The following NIPAL2 variants were observed in gnomAD, a reference collection of about 807,000 sequenced individuals.
The protein encoded by NIPAL2 is NIPA-like protein 2.
In NIPAL2, 43 loss-of-function variants were observed where a neutral mutation model predicts 48.9. That is an observed-to-expected ratio of 0.88 (90% confidence interval 0.69 to 1.13). The LOEUF is 1.13. Among genes scored for constraint, NIPAL2 ranks in the 50% most tolerant of loss-of-function variants. The pLI is 0.00. For missense variants in NIPAL2, 446 were observed against 461.4 expected (o/e 0.97, Z 0.31); for synonymous variants, 167 against 174.6 (o/e 0.96, Z 0.34).
Position 98,286,823 on chromosome 8 carries a change from A to AC in NIPAL2, c.135+7179_135+7180insG, listed in dbSNP as rs200598206. Among the ~76,000 whole-genome samples the AC allele has an allele frequency of 4.9e-3, 733 of 149,028 alleles. 2 individuals carry two copies. In the Middle Eastern group the frequency reaches 0.062, roughly 13 times the overall value. Reference sequence around the variant, plus strand: ...GAGTGAGACTCTGTCAAAAAAAAAAAAAAAAAAAAAACCAAAAACAAACAA... The same window carrying AC: ...GAGTGAGACTCTGTCAAAAAAAAAAACAAAAAAAAAAACCAAAAACAAACAA... On this transcript the variant is annotated intron_variant, in intron 1 of 10. Coordinates refer to ENST00000430223, the MANE Select transcript of NIPAL2 (RefSeq NM_001321635.2).
chr8:98,245,298 T>C (rs1813253920), intron 3 of NIPAL2, among the ~76,000 whole-genome samples: 1 of 152,250 alleles, frequency 6.6e-6, no homozygotes, highest in Non-Finnish European at 1.5e-5. Context: ...CATTCCCCGT[T>C]AGTTGTAGAA....
At chr8:98,244,986 A>G (rs1813232616) in intron 3 of NIPAL2, among the ~76,000 whole-genome samples, 1 of 152,204 alleles carries the variant, frequency 6.6e-6, no homozygotes, top group Admixed American at 6.5e-5. Flanking sequence ...CAGGATGTAT[A>G]TTTATAATAT....
In NIPAL2 at chr8:98,190,308, C is replaced by G. The variant is rs1400620170; in HGVS notation, c.*2670G>C. The stretch of plus-strand genomic sequence containing the variant: ...GGAACTATAGCTCACAGACTGGCCA[C>G]TTGTTTTTGTTTGTTTGTTTGTTTG... On this transcript the variant is annotated 3_prime_UTR_variant, in exon 11 of 11. Transcript: ENST00000430223. 1 of 166,250 alleles carries G rather than the reference C, an allele frequency of 6.0e-6. No homozygotes were observed. The highest frequency in any genetic ancestry group is 1.3e-5 in the Non-Finnish European group (1 of 79,160). The allele number at this position is 166,250 out of a possible 1,614,324, so 10.3% of individuals were successfully genotyped here.
At chr8:98,262,944 C>T (rs1445478672) in intron 1 of NIPAL2, among the ~76,000 whole-genome samples, 2 of 150,090 alleles carry the variant, frequency 1.3e-5, no homozygotes, top group Non-Finnish European at 3.0e-5. Flanking sequence ...GACCACAGTG[C>T]AATCAAACTA....
intron 1 of NIPAL2, among the ~76,000 whole-genome samples, chr8:98,257,843 T>A (rs1305812509): frequency 1.3e-5 from 2 of 152,172 alleles, no homozygotes; most frequent in Non-Finnish European, 2.9e-5. Context: ...CAGAAAAGCT[T>A]GAATTCACCC....
At chr8:98,221,228 G>A (rs185771193) in intron 5 of NIPAL2, among the ~76,000 whole-genome samples, 10 of 151,752 alleles carry the variant, frequency 6.6e-5, no homozygotes, top group Admixed American at 5.9e-4. Flanking sequence ...TGCCCGCCTC[G>A]GCCTCCCAAA....
Position 98,253,048 on chromosome 8 carries a change from T to C in NIPAL2, c.205-414A>G, listed in dbSNP as rs138646216. Among the ~76,000 whole-genome samples, 767 of 152,254 alleles carry C rather than the reference T, an allele frequency of 5.0e-3. 4 individuals carry two copies. The highest frequency in any genetic ancestry group is 6.2e-3 in the Non-Finnish European group (425 of 68,026). On this transcript the variant is annotated intron_variant, in intron 2 of 10. Transcript: ENST00000430223. ...CCATGCTGCAGATGCTCCCTGTCCC[T>C]TGGTCATTCAGTGGCCCTCTCGGTT... is the stretch of plus-strand genomic sequence containing the variant.
intron 1 of NIPAL2, among the ~76,000 whole-genome samples, chr8:98,268,398 A>T (rs1490891749): frequency 6.6e-6 from 1 of 152,156 alleles, no homozygotes; most frequent in Non-Finnish European, 1.5e-5. Flanking sequence ...AGGTGGGCAG[A>T]TCACTTGAGG....
chr8:98,232,138 C>T (rs139078822), intron 4 of NIPAL2, among the ~76,000 whole-genome samples: 3,605 of 152,158 alleles, frequency 0.024, 63 homozygotes, highest in South Asian at 0.092. Context: ...CTTGGACTTC[C>T]GTAAATATGA....
intron 6 of NIPAL2, among the ~76,000 whole-genome samples, chr8:98,208,786 T>G (rs1811164937): frequency 6.6e-6 from 1 of 152,134 alleles, no homozygotes; most frequent in Non-Finnish European, 1.5e-5. Context: ...ACTGGCAAAG[T>G]GGGCCACTCG....
At chr8:98,293,779 A>G (rs961259846) in intron 1 of NIPAL2, among the ~76,000 whole-genome samples, 1 of 152,216 alleles carries the variant, frequency 6.6e-6, no homozygotes, top group Non-Finnish European at 1.5e-5. Context: ...GCCCACTCCC[A>G]GTGCCGGGTG....
rs1812695809 is a variant in NIPAL2, at chr8:98,236,073, A to G, written c.436+82T>C. 5 of 994,770 alleles carry G rather than the reference A, an allele frequency of 5.0e-6. No homozygotes were observed. The East Asian group carries it at 1.3e-4, about 25-fold the overall frequency. 61.6% of individuals were successfully genotyped at this position (994,770 alleles called of 1,614,324 possible). The stretch of plus-strand genomic sequence containing the variant: ...TTTCAGTAATTTGTTTCCAGTTTTT[A>G]TCGCACATATTTTTTATGGATTGTA... On this transcript the variant is annotated intron_variant, in intron 4 of 10. Coordinates refer to ENST00000430223, the MANE Select transcript of NIPAL2 (RefSeq NM_001321635.2).
intron 1 of NIPAL2, among the ~76,000 whole-genome samples, chr8:98,266,376 C>A (rs1344200990): frequency 6.6e-6 from 1 of 151,576 alleles, no homozygotes; most frequent in Non-Finnish European, 1.5e-5. Context: ...CTGAGATGGG[C>A]GGATTGCCTG....
intron 4 of NIPAL2, among the ~76,000 whole-genome samples, chr8:98,233,834 C>T (rs1040602701): frequency 6.6e-6 from 1 of 152,170 alleles, no homozygotes; most frequent in African/African-American, 2.4e-5. Context: ...ACTTACTTTA[C>T]CTTTTTGTAT....
chr8:98,252,511 A>C lies in NIPAL2; in HGVS notation c.328T>G (p.Phe110Val). ...GGAGCGATCAGAGTAATGGGAGCAA[A>C]TCCATAGGCTGCAAAGTTCCCCGTC... ...GETGNFAAYGFAPITLIAPLG... is the reference protein window; with the variant it reads ...GETGNFAAYGVAPITLIAPLG... The change falls in exon 3 of 11, where the codon TTT becomes GTT. Residue 110 changes from phenylalanine to valine, a missense_variant. Coordinates refer to ENST00000430223, the MANE Select transcript of NIPAL2 (RefSeq NM_001321635.2). 1 of 1,614,094 alleles carries C rather than the reference A, an allele frequency of 6.2e-7. No homozygotes were observed.
At chr8:98,271,179 G>T (rs1815101407) in intron 1 of NIPAL2, among the ~76,000 whole-genome samples, 1 of 152,038 alleles carries the variant, frequency 6.6e-6, no homozygotes, top group East Asian at 1.9e-4. Context: ...GGCTATTCAG[G>T]CTCTTTTTTG....
chr8:98,274,267 A>G (rs767016162), intron 1 of NIPAL2, among the ~76,000 whole-genome samples: 1 of 151,398 alleles, frequency 6.6e-6, no homozygotes. Flanking sequence ...CTATCTATCT[A>G]TCTCTCTATC....
intron 6 of NIPAL2, among the ~76,000 whole-genome samples, chr8:98,208,159 T>A (rs1433926891): frequency 6.6e-6 from 1 of 152,224 alleles, no homozygotes; most frequent in African/African-American, 2.4e-5. Flanking sequence ...TCTTTGTATC[T>A]TTCTCTATTT....
chr8:98,269,334 T>C (rs1194617483), intron 1 of NIPAL2, among the ~76,000 whole-genome samples: 2 of 152,220 alleles, frequency 1.3e-5, no homozygotes, highest in Admixed American at 6.5e-5. Context: ...TCTTACAAAA[T>C]GTATTTTTTA....
Sources: gnomAD v4.1 joint callset for allele counts (sites outside exome capture counted in the v4.1 genomes callset) on GRCh38, gnomAD v4.1.1 for gene constraint, MANE v1.5 for transcripts, NCBI Gene and HGNC (gene_info 2026-07-23, HGNC 2026-07-21) for gene names.